The following MBD5 variants were observed in gnomAD, a reference collection of about 807,000 sequenced individuals.
MBD5 encodes methyl-CpG-binding domain protein 5.
In MBD5, 13 loss-of-function variants were observed where a neutral mutation model predicts 117.3. The ratio of observed to expected loss-of-function variants is 0.11; its 90% CI spans 0.07 to 0.18. The LOEUF (loss-of-function observed/expected upper bound fraction) is 0.18, where lower values mean the gene tolerates loss of function less well. Ranked by LOEUF, MBD5 falls within the 10% of genes least tolerant of loss-of-function variation. MBD5 has a pLI of 1.00. For synonymous variants in MBD5, 727 were observed against 766.4 expected (o/e 0.95, Z 0.85); for missense variants, 1,879 against 2,093.8 (o/e 0.90, Z 2.00).
chr2:148,351,337 T>G (rs1023061382), intron 4 of MBD5, among the ~76,000 whole-genome samples: 1 of 152,036 alleles, frequency 6.6e-6, no homozygotes, highest in African/African-American at 2.4e-5. Context: ...GCTCTAGACA[T>G]TTCAGATAAA....
chr2:148,338,306 T>C (rs1186520467), intron 3 of MBD5, among the ~76,000 whole-genome samples: 1 of 152,118 alleles, frequency 6.6e-6, no homozygotes. Flanking sequence ...GGTTCATACA[T>C]TGTATTTAGT....
chr2:148,163,741 G>A (rs1416150827), intron 1 of MBD5, among the ~76,000 whole-genome samples: 1 of 152,112 alleles, frequency 6.6e-6, no homozygotes, highest in Non-Finnish European at 1.5e-5. Flanking sequence ...TAAATGTACA[G>A]TATTTAGAAT....
At chr2:148,178,391 A>C (rs1471623102) in intron 1 of MBD5, among the ~76,000 whole-genome samples, 1 of 152,176 alleles carries the variant, frequency 6.6e-6, no homozygotes, top group Non-Finnish European at 1.5e-5. Flanking sequence ...ACCACAATTT[A>C]TGTATTTTAA....
rs118108168 is a variant in MBD5 at position 148,174,682 on chromosome 2, A to G, written c.-924-4018A>G. Among the ~76,000 whole-genome samples the G allele has an allele frequency of 9.8e-4, 149 of 152,198 alleles. 1 individual carries two copies. The East Asian group carries it at 0.024, about 24-fold the overall frequency. On this transcript the variant is annotated intron_variant, in intron 1 of 13. Transcript: ENST00000642680. Reference sequence around the variant, plus strand: ...TCAAAAAAAGGCATCCAAAAGTCCAACTGATACAAGAAAAACTTCTCAACA... The same window carrying G: ...TCAAAAAAAGGCATCCAAAAGTCCAGCTGATACAAGAAAAACTTCTCAACA...
At chr2:148,036,283 A>G (rs1350558622) in intron 1 of MBD5, among the ~76,000 whole-genome samples, 4 of 152,102 alleles carry the variant, frequency 2.6e-5, no homozygotes, top group African/African-American at 9.7e-5. Context: ...CCATGTGCCA[A>G]TGTGTTGAGC....
intron 3 of MBD5, among the ~76,000 whole-genome samples, chr2:148,294,507 T>TTTTTTTTG (rs1218239671): frequency 1.6e-5 from 2 of 124,216 alleles, no homozygotes; most frequent in African/African-American, 3.3e-5. Flanking sequence ...TACAGTTTTT[T>TTTTTTTTG]TTTTTTTTTT....
At chr2:148,198,091 T>C (rs1699042209) in intron 2 of MBD5, among the ~76,000 whole-genome samples, 1 of 152,160 alleles carries the variant, frequency 6.6e-6, no homozygotes, top group South Asian at 2.1e-4. Flanking sequence ...AAATTCTTAA[T>C]GACTGGCTAC....
chr2:148,298,323 TG>T (rs1486625879), intron 3 of MBD5, among the ~76,000 whole-genome samples: 2 of 151,760 alleles, frequency 1.3e-5, no homozygotes, highest in African/African-American at 4.8e-5. Flanking sequence ...GGCTGGGAGG[TG>T]GGGAGAAGGG....
intron 4 of MBD5, among the ~76,000 whole-genome samples, chr2:148,451,337 C>T (rs1706721727): frequency 6.6e-6 from 1 of 151,890 alleles, no homozygotes; most frequent in Non-Finnish European, 1.5e-5. Flanking sequence ...GTGTATTGCA[C>T]AGTTTAAAAA....
chr2:148,154,617 C>T (rs76988076), intron 1 of MBD5, among the ~76,000 whole-genome samples: 33 of 152,300 alleles, frequency 2.2e-4, no homozygotes, highest in Non-Finnish European at 4.4e-4. Flanking sequence ...GAGCCAGGTG[C>T]GGGATATAAT....
At chr2:148,398,542 C>G (rs1704808531) in intron 4 of MBD5, among the ~76,000 whole-genome samples, 1 of 152,078 alleles carries the variant, frequency 6.6e-6, no homozygotes, top group South Asian at 2.1e-4. Context: ...ATGGTAGATT[C>G]TGGGTATTAG....
At chr2:148,361,379 G>A (rs774041030) in intron 4 of MBD5, among the ~76,000 whole-genome samples, 55 of 151,426 alleles carry the variant, frequency 3.6e-4, no homozygotes, top group Non-Finnish European at 5.9e-4. Flanking sequence ...AAAAAAAAAC[G>A]TGTTGGATTT....
intron 4 of MBD5, among the ~76,000 whole-genome samples, chr2:148,423,964 G>GT (rs1210872431): frequency 6.6e-6 from 1 of 151,834 alleles, no homozygotes; most frequent in Non-Finnish European, 1.5e-5. Flanking sequence ...AGATCACGAG[G>GT]TCAGGAGATC....
At chr2:148,471,579 T>A (rs899295714) in intron 8 of MBD5, 2 of 152,118 alleles carry the variant, frequency 1.3e-5, no homozygotes, top group African/African-American at 4.8e-5. Context: ...AACCCACATG[T>A]CTTTGTTGCT....
intron 4 of MBD5, among the ~76,000 whole-genome samples, chr2:148,403,850 G>A (rs974655795): frequency 6.6e-6 from 1 of 151,990 alleles, no homozygotes; most frequent in East Asian, 1.9e-4. Flanking sequence ...TGGCCAAAAG[G>A]ATCACTTATG....
At chr2:148,474,799 A>G (rs533087247) in intron 8 of MBD5, among the ~76,000 whole-genome samples, 35 of 152,266 alleles carry the variant, frequency 2.3e-4, no homozygotes, top group African/African-American at 8.4e-4. Context: ...ACAGCCATTA[A>G]TATGGTAGGT....
intron 1 of MBD5, among the ~76,000 whole-genome samples, chr2:148,161,892 C>T (rs896181665): frequency 3.3e-5 from 5 of 152,132 alleles, no homozygotes; most frequent in African/African-American, 7.2e-5. Context: ...GCCAAAATTT[C>T]GCCAACATTT....
At chr2:148,327,239 G>T (rs1702479061) in intron 3 of MBD5, among the ~76,000 whole-genome samples, 1 of 152,020 alleles carries the variant, frequency 6.6e-6, no homozygotes, top group East Asian at 1.9e-4. Flanking sequence ...TTTGAGGGTA[G>T]CCTGACCTTT....
chr2:148,137,246 C>T (rs1463225536), intron 1 of MBD5, among the ~76,000 whole-genome samples: 1 of 152,144 alleles, frequency 6.6e-6, no homozygotes, highest in African/African-American at 2.4e-5. Context: ...CTTAGTCTTC[C>T]TGAAACTTTT....
Sources: gnomAD v4.1 joint callset for allele counts (sites outside exome capture counted in the v4.1 genomes callset) on GRCh38, gnomAD v4.1.1 for gene constraint, MANE v1.5 for transcripts, NCBI Gene and HGNC (gene_info 2026-07-23, HGNC 2026-07-21) for gene names.